The following RPGRIP1L variants were observed in gnomAD, a reference collection of about 807,000 sequenced individuals.
RPGRIP1L encodes protein fantom.
In RPGRIP1L, 131 loss-of-function variants were observed where a neutral mutation model predicts 160.4. The observed-to-expected ratio is 0.82, with a 90% CI of 0.71 to 0.94. The LOEUF (loss-of-function observed/expected upper bound fraction) is 0.94. RPGRIP1L is among the 40% of genes least tolerant of loss of function. RPGRIP1L has a pLI of 0.00. For synonymous variants in RPGRIP1L, 510 were observed against 515.8 expected, an observed-to-expected ratio of 0.99 and a Z score of 0.15; for missense variants, 1,522 against 1,535.8, an observed-to-expected ratio of 0.99 and a Z score of 0.15.
chr16:53,693,347 G>A (rs1180873093), intron 3 of RPGRIP1L: 2 of 152,162 alleles, frequency 1.3e-5, no homozygotes, highest in Non-Finnish European at 2.9e-5. Context: ...ATTTTAGCGT[G>A]GTTATGGACA....
At position 53,610,853 on chromosome 16, in the gene RPGRIP1L, T is replaced by A. The variant is rs1027543955; in HGVS notation, c.3701+114A>T. The stretch of plus-strand genomic sequence containing the variant: ...TACTCATTCGAGGGTACAGAGTGAG[T>A]CAGAGAACCCCGATGTTCGGCTTCC... On this transcript the variant is annotated intron_variant, in intron 25 of 26. Transcript: ENST00000647211. 4.7e-6 allele frequency: 4 copies of A among 844,572 alleles called. No homozygotes were observed. In the African/African-American group the frequency reaches 5.0e-5, roughly 10 times the overall value. 52.3% of individuals were successfully genotyped at this position (844,572 alleles called of 1,614,324 possible). A position where few individuals can be genotyped will look rare whatever the true frequency, so the allele number is the denominator to read the frequency against.
At chr16:53,661,421 C>A (rs910543343) in intron 10 of RPGRIP1L, among the ~76,000 whole-genome samples, 2 of 151,634 alleles carry the variant, frequency 1.3e-5, no homozygotes, top group Admixed American at 6.6e-5. Context: ...ATGAGATAAA[C>A]TTTTTTGTTA....
intron 6 of RPGRIP1L, among the ~76,000 whole-genome samples, chr16:53,680,366 G>A (rs147311192): frequency 1.8e-3 from 276 of 152,134 alleles, no homozygotes; most frequent in African/African-American, 6.5e-3. Flanking sequence ...AGAACCAGAT[G>A]TGCCCTTTAA....
At chr16:53,648,609 C>T (rs568838637) in intron 16 of RPGRIP1L, among the ~76,000 whole-genome samples, 15 of 85,870 alleles carry the variant, frequency 1.7e-4, no homozygotes, top group South Asian at 9.8e-4. Context: ...TATACGTACG[C>T]GCGTGCGCGC....
rs764920843 is a variant in RPGRIP1L at position 53,638,309 on chromosome 16, C to T, written c.3060+1G>A. On this transcript the variant is annotated splice_donor_variant, in intron 20 of 26. Transcript: ENST00000647211. LOFTEE classifies it high-confidence loss of function. ...AAAATAATTTTAACACAAATGCATA[C>T]CTTGGGAACATGTGGAACAGTCAGC... 6.6e-7 allele frequency: 1 copy of T among 1,515,538 alleles called. No individual in the cohort carries two copies. Among genetic ancestry groups the T allele is most frequent in the Non-Finnish European group, 9.2e-7 (1 of 1,091,076 alleles). 93.9% of individuals were successfully genotyped at this position (1,515,538 alleles called of 1,614,324 possible). A position where few individuals can be genotyped will look rare whatever the true frequency, so the allele number is the denominator to read the frequency against.
chr16:53,637,011 G>A (rs1228777959), intron 21 of RPGRIP1L, among the ~76,000 whole-genome samples: 1 of 149,360 alleles, frequency 6.7e-6, no homozygotes, highest in Non-Finnish European at 1.5e-5. Context: ...TTAGAGACAG[G>A]GTCTTGCTAT....
At chr16:53,695,974 C>CT in intron 3 of RPGRIP1L, 177 bp downstream of exon 3, 1 of 606,970 alleles carries the variant, frequency 1.6e-6, no homozygotes, top group Middle Eastern at 4.7e-4. Flanking sequence ...CACTCATAAT[C>CT]TTTTTGGTTT....
intron 25 of RPGRIP1L, among the ~76,000 whole-genome samples, chr16:53,609,787 C>T (rs1425427286): frequency 6.6e-6 from 1 of 152,066 alleles, no homozygotes; most frequent in Non-Finnish European, 1.5e-5. Context: ...CAAGTCAAAC[C>T]TGAGTGATTA....
At chr16:53,639,849 C>T (rs1254816842) in intron 19 of RPGRIP1L, among the ~76,000 whole-genome samples, 1 of 152,062 alleles carries the variant, frequency 6.6e-6, no homozygotes, top group Admixed American at 6.6e-5. Context: ...CATTATTTAT[C>T]ACATACATAT....
intron 23 of RPGRIP1L, among the ~76,000 whole-genome samples, chr16:53,620,842 A>C (rs1475349434): frequency 5.3e-5 from 8 of 152,228 alleles, no homozygotes; most frequent in Admixed American, 5.2e-4. Flanking sequence ...TTTTTCCTTA[A>C]AATGTATCGT....
intron 26 of RPGRIP1L, 138 bp downstream of exon 26, chr16:53,605,343 A>G (rs2150919891): frequency 2.1e-6 from 2 of 931,606 alleles, no homozygotes; most frequent in Admixed American, 3.5e-5. Flanking sequence ...GCTTCACCAA[A>G]GCGTCAACTT....
rs756300439 is a variant in RPGRIP1L at position 53,664,969 on chromosome 16, C to T, written c.1144G>A (p.Glu382Lys). 6.2e-7 allele frequency: 1 copy of T among 1,613,624 alleles called. No individual in the cohort carries two copies. Among genetic ancestry groups the T allele is most frequent in the South Asian group, 1.1e-5 (1 of 91,078 alleles). ...AAHEEQWKLK[E>K]QQLKVQIAQL... Reference sequence around the variant, plus strand: ...GCAATCTGCACTTTCAGCTGTTGCTCCTTTAACTTCCATTGCTCTTCATGG... The same window carrying T: ...GCAATCTGCACTTTCAGCTGTTGCTTCTTTAACTTCCATTGCTCTTCATGG... The change falls in exon 10 of 27, where the codon GAG (glutamate) becomes AAG (lysine). Residue 382 changes from glutamate (E) to lysine (K), a missense_variant. Glu to Lys is a moderately conservative substitution (Grantham distance 56). Transcript: ENST00000647211.
At chr16:53,647,432 ACT>A (rs1235059135) in intron 16 of RPGRIP1L, among the ~76,000 whole-genome samples, 2 of 151,982 alleles carry the variant, frequency 1.3e-5, no homozygotes, top group Non-Finnish European at 2.9e-5. Flanking sequence ...TTTGTTCATT[ACT>A]CTCTTTCTTC....
chr16:53,623,292 G>A (rs1230063731), intron 22 of RPGRIP1L, among the ~76,000 whole-genome samples: 1 of 152,168 alleles, frequency 6.6e-6, no homozygotes, highest in African/African-American at 2.4e-5. Context: ...TGAGCGTTAT[G>A]AGACTGTAAG....
intron 6 of RPGRIP1L, among the ~76,000 whole-genome samples, chr16:53,685,666 A>G (rs1430815934): frequency 6.6e-6 from 1 of 151,644 alleles, no homozygotes; most frequent in Non-Finnish European, 1.5e-5. Context: ...GAACACATGG[A>G]CACATAGGGT....
At position 53,636,541 on chromosome 16, in the gene RPGRIP1L, A is replaced by G. The variant is rs760508756; in HGVS notation, c.3221-29T>C. The G allele has an allele frequency of 2.3e-5, 35 of 1,516,616 alleles. 3 individuals carry two copies. In the South Asian group the frequency reaches 3.9e-4, roughly 17 times the overall value. 93.9% of individuals were successfully genotyped at this position (1,516,616 alleles called of 1,614,324 possible). On this transcript the variant is annotated intron_variant, in intron 21 of 26. Coordinates refer to ENST00000647211, the MANE Select transcript of RPGRIP1L (RefSeq NM_015272.5). ...TTTAAAAAATAAAAGGGTAACATTT[A>G]CACAAGTTAAACCAATTCTACTTAT...
chr16:53,671,706 G>A, intron 8 of RPGRIP1L, 123 bp from the exon 9 acceptor site: 1 of 580,050 alleles, frequency 1.7e-6, no homozygotes, highest in Admixed American at 3.1e-5. Flanking sequence ...ATTGCTAAAT[G>A]GTAGCTGCTA....
rs1278845022 is a variant in RPGRIP1L, at chr16:53,698,730, C to A, written c.85+1909G>T. Among the ~76,000 whole-genome samples the A allele has an allele frequency of 1.0e-4, 15 of 142,970 alleles. No individual in the cohort carries two copies. The East Asian group carries it at 3.0e-3, about 29-fold the overall frequency. The allele number at this position is 142,970 out of a possible 152,430, so 93.8% of individuals were successfully genotyped here. On this transcript the variant is annotated intron_variant, in intron 2 of 26. Coordinates refer to ENST00000647211, the MANE Select transcript of RPGRIP1L (RefSeq NM_015272.5). ...CGGGAGGGAGGTGGGGGGGTCAGCA[C>A]CCCGCCCGGCCAGCCGCCCCGTCTG...
chr16:53,635,922 A>G (rs1003170314), intron 22 of RPGRIP1L, among the ~76,000 whole-genome samples: 1 of 152,230 alleles, frequency 6.6e-6, no homozygotes, highest in Non-Finnish European at 1.5e-5. Context: ...CTTTTCAGCC[A>G]TGTGCTCTAA....
Sources: gnomAD v4.1 joint callset for allele counts (sites outside exome capture counted in the v4.1 genomes callset) on GRCh38, gnomAD v4.1.1 for gene constraint, MANE v1.5 for transcripts, NCBI Gene and HGNC (gene_info 2026-07-23, HGNC 2026-07-21) for gene names.